Variants in AGAP1 observed in about 807,000 individuals in gnomAD.
AGAP1 encodes the protein ArfGAP with GTPase domain, ankyrin repeat and PH domain 1, also known as arf-GAP with GTPase, ANK repeat and PH domain-containing protein 1.
AGAP1 carries 29 observed loss-of-function variants against 105.3 expected under a neutral mutation model. The observed-to-expected ratio is 0.28, with a 90% CI of 0.21 to 0.38. The LOEUF is 0.38. Among genes scored for constraint, AGAP1 ranks in the 10% least tolerant of loss-of-function variants. AGAP1 has a pLI of 1.00. For missense variants in AGAP1, 998 were observed against 1,165.1 expected (o/e 0.86, Z 2.09); for synonymous variants, 509 against 485.9 (o/e 1.05, Z -0.63).
chr2:235,916,936 C>A (rs2125084290), intron 11 of AGAP1, among the ~76,000 whole-genome samples: 1 of 152,292 alleles, frequency 6.6e-6, no homozygotes, highest in South Asian at 2.1e-4. Context: ...AAGAAATGCT[C>A]TTCTGGACTT....
chr2:235,996,795 A>G (rs1242884850), intron 13 of AGAP1, among the ~76,000 whole-genome samples: 2 of 152,240 alleles, frequency 1.3e-5, no homozygotes, highest in African/African-American at 4.8e-5. Flanking sequence ...AAGTCGTTTT[A>G]GAATGTTGCC....
In AGAP1 at chr2:235,652,496, G is replaced by A. The variant is rs1029637487; in HGVS notation, c.164-56683G>A. Among the ~76,000 whole-genome samples, 5 of 152,278 alleles carry A rather than the reference G, an allele frequency of 3.3e-5. No homozygotes were observed. The South Asian group carries it at 1.0e-3, about 32-fold the overall frequency. ...TAAGAGAGCAGCCTCTATCTGTCTG[G>A]GGGTGGAGAGCCCATGTGATTCAGG... is the stretch of plus-strand genomic sequence containing the variant. On this transcript the variant is annotated intron_variant, in intron 1 of 17. Coordinates refer to ENST00000304032, the MANE Select transcript of AGAP1 (RefSeq NM_001037131.3).
chr2:235,988,016 CT>C lies in AGAP1; in HGVS notation c.1645+19397del, dbSNP rs1252797626. The stretch of plus-strand genomic sequence containing the variant: ...TGCAGAATGTTGGTAGTTAAAACTC[CT>C]TTTGTTATTTTGTGTTTGTTCGTTT... On this transcript the variant is annotated intron_variant, in intron 13 of 17. Transcript: ENST00000304032. This position sits in a 1 kb window ranked among gnomAD's most constrained non-coding sequence, Gnocchi z 4.7. Among the ~76,000 whole-genome samples, 2 of 152,048 alleles carry C rather than the reference CT, an allele frequency of 1.3e-5. No individual in the cohort carries two copies. Among genetic ancestry groups the C allele is most frequent in the Non-Finnish European group, 2.9e-5 (2 of 68,000 alleles).
chr2:236,114,865 G>A lies in AGAP1; in HGVS notation c.2115-5327G>A, dbSNP rs1668369079. On this transcript the variant is annotated intron_variant, in intron 16 of 17. Coordinates refer to ENST00000304032, the MANE Select transcript of AGAP1 (RefSeq NM_001037131.3). This position sits in a 1 kb window ranked among gnomAD's most constrained non-coding sequence, Gnocchi z 5.0. ...AGCCCTTAAACATCTCAAGGCTATG[G>A]GCAGGAGCCAACCAGATGTTGCTCC... 6.6e-6 allele frequency among the ~76,000 whole-genome samples: 1 copy of A among 152,040 alleles called. No individual in the cohort carries two copies. The highest frequency in any genetic ancestry group is 1.5e-5 in the Non-Finnish European group (1 of 67,982).
intron 6 of AGAP1, chr2:235,783,416 C>T (rs1236418721): frequency 2.1e-6 from 1 of 470,624 alleles, no homozygotes; most frequent in Admixed American, 2.4e-5. Context: ...TCAGGTGTTG[C>T]TTTCTTTGTG....
intron 9 of AGAP1, among the ~76,000 whole-genome samples, chr2:235,878,348 T>C (rs1239243340): frequency 2.0e-5 from 3 of 152,194 alleles, no homozygotes; most frequent in African/African-American, 7.2e-5. Context: ...TCCTTCTCTT[T>C]GATAATCAGG....
At chr2:235,800,224 A>G (rs1957430454) in intron 8 of AGAP1, among the ~76,000 whole-genome samples, 1 of 150,580 alleles carries the variant, frequency 6.6e-6, no homozygotes, top group Admixed American at 6.6e-5. Flanking sequence ...TCAGCCTTCT[A>G]AGTAGCTGGG....
rs749659925 is a variant in AGAP1 at position 235,787,252 on chromosome 2, T to C, written c.674-10507T>C. 1.3e-5 allele frequency among the ~76,000 whole-genome samples: 2 copies of C among 152,208 alleles called. No homozygotes were observed. On this transcript the variant is annotated intron_variant, in intron 6 of 17. Transcript: ENST00000304032. This position sits in a 1 kb window ranked among gnomAD's most constrained non-coding sequence, Gnocchi z 4.4. Reference sequence around the variant, plus strand: ...GTGGGTTTCCTATGTCATGAAAGCTTTTCTTCATCACGTGCTAATGACTTC... The same window carrying C: ...GTGGGTTTCCTATGTCATGAAAGCTCTTCTTCATCACGTGCTAATGACTTC...
At chr2:235,518,544 T>A (rs1373296793) in intron 1 of AGAP1, among the ~76,000 whole-genome samples, 1 of 152,146 alleles carries the variant, frequency 6.6e-6, no homozygotes, top group Non-Finnish European at 1.5e-5. Flanking sequence ...AAGCTGCAGG[T>A]CACTGGGTGC....
intron 1 of AGAP1, among the ~76,000 whole-genome samples, chr2:235,536,223 A>ACACAC (rs57292117): frequency 7.9e-5 from 5 of 63,196 alleles, no homozygotes; most frequent in Non-Finnish European, 1.5e-4. Context: ...ACACACACAC[A>ACACAC]GCAGGACCCT....
In AGAP1 at chr2:236,002,465, G is replaced by A. The variant is rs974542136; in HGVS notation, c.1645+33842G>A. ...GGAGAGGCTGTGTGTTTTCATAAGC[G>A]AATCCTGATTTTCTGACAAAAGAGA... is the stretch of plus-strand genomic sequence containing the variant. On this transcript the variant is annotated intron_variant, in intron 13 of 17. Transcript: ENST00000304032. The surrounding 1 kb of genome is among the most constrained non-coding windows in gnomAD (Gnocchi z 4.3). 1.1e-4 allele frequency among the ~76,000 whole-genome samples: 17 copies of A among 152,278 alleles called. No individual in the cohort carries two copies. In the East Asian group the frequency reaches 1.7e-3, roughly 16 times the overall value.
chr2:235,706,035 T>C (rs1017758275), intron 1 of AGAP1, among the ~76,000 whole-genome samples: 16 of 152,208 alleles, frequency 1.1e-4, no homozygotes, highest in East Asian at 1.9e-4. Context: ...TAATTTCTTA[T>C]GTGCCAAATG....
intron 1 of AGAP1, among the ~76,000 whole-genome samples, chr2:235,707,549 G>A (rs1416929872): frequency 7.3e-6 from 1 of 136,792 alleles, no homozygotes; most frequent in African/African-American, 2.7e-5. Context: ...TGCTCCCCCG[G>A]CGTGTGACCT....
At chr2:235,826,968 G>T (rs779730627) in intron 9 of AGAP1, among the ~76,000 whole-genome samples, 27 of 152,110 alleles carry the variant, frequency 1.8e-4, no homozygotes, top group Non-Finnish European at 3.1e-4. Flanking sequence ...GCACTTTTCA[G>T]ATACGGTGGC....
At chr2:235,504,969 C>G (rs1462104787) in intron 1 of AGAP1, among the ~76,000 whole-genome samples, 1 of 152,136 alleles carries the variant, frequency 6.6e-6, no homozygotes, top group Non-Finnish European at 1.5e-5. Context: ...GGGCGCAGTT[C>G]CTCTGGGACT....
At position 235,960,635 on chromosome 2, in the gene AGAP1, G is replaced by GA. The variant is rs1410271989; in HGVS notation, c.1484-7822dup. Among the ~76,000 whole-genome samples the GA allele has an allele frequency of 6.6e-6, 1 of 152,156 alleles. No individual in the cohort carries two copies. Among genetic ancestry groups the GA allele is most frequent in the Admixed American group, 6.5e-5 (1 of 15,278 alleles). ...TCTTTGTTCAGGTAGCAGGGCCCAAGAAAAATCGTCTTTTATGGAAGGCAT... is the reference window on the plus strand; with the variant it reads ...TCTTTGTTCAGGTAGCAGGGCCCAAGAAAAAATCGTCTTTTATGGAAGGCAT... On this transcript the variant is annotated intron_variant, in intron 12 of 17. Coordinates refer to ENST00000304032, the MANE Select transcript of AGAP1 (RefSeq NM_001037131.3). This position sits in a 1 kb window ranked among gnomAD's most constrained non-coding sequence, Gnocchi z 4.9.
rs1389046526 is a variant in AGAP1, at chr2:235,901,309, G to A, written c.1156-7429G>A. Among the ~76,000 whole-genome samples, 1 of 151,836 alleles carries A rather than the reference G, an allele frequency of 6.6e-6. No homozygotes were observed. Among genetic ancestry groups the A allele is most frequent in the Non-Finnish European group, 1.5e-5 (1 of 67,974 alleles). On this transcript the variant is annotated intron_variant, in intron 10 of 17. Transcript: ENST00000304032. This position sits in a 1 kb window ranked among gnomAD's most constrained non-coding sequence, Gnocchi z 4.3. ...TTTTTTTTTTGAGCCCAGAAGTGAG[G>A]CTTTTTAAAAATAGAACTTCACAAA...
chr2:235,552,182 C>T lies in AGAP1; in HGVS notation c.163+57333C>T, dbSNP rs1943836361. ...GCTTGGTGTTCATTGCCCCGTAACT[C>T]TGGCCGCGGTAGTCTGGACAGGGCT... On this transcript the variant is annotated intron_variant, in intron 1 of 17. Coordinates refer to ENST00000304032, the MANE Select transcript of AGAP1 (RefSeq NM_001037131.3). This position sits in a 1 kb window ranked among gnomAD's most constrained non-coding sequence, Gnocchi z 5.9. 6.6e-6 allele frequency among the ~76,000 whole-genome samples: 1 copy of T among 152,160 alleles called. No homozygotes were observed. The highest frequency in any genetic ancestry group is 1.5e-5 in the Non-Finnish European group (1 of 68,036).
At position 235,887,882 on chromosome 2, in the gene AGAP1, C is replaced by T. The variant is rs2124876953; in HGVS notation, c.1155+4433C>T. On this transcript the variant is annotated intron_variant, in intron 10 of 17. Transcript: ENST00000304032. This position sits in a 1 kb window ranked among gnomAD's most constrained non-coding sequence, Gnocchi z 4.1. ...ATTATGGGGTGCTGACTTGAGAGCG[C>T]CAGGCTTGCAGTTGTATTAAACGTG... 6.6e-6 allele frequency among the ~76,000 whole-genome samples: 1 copy of T among 152,264 alleles called. No individual in the cohort carries two copies. Among genetic ancestry groups the T allele is most frequent in the East Asian group, 1.9e-4 (1 of 5,168 alleles).
Sources: gnomAD v4.1 joint callset for allele counts (sites outside exome capture counted in the v4.1 genomes callset) on GRCh38, gnomAD v4.1.1 for gene constraint, Gnocchi (gnomAD v3.1) non-coding constraint, MANE v1.5 for transcripts, NCBI Gene and HGNC (gene_info 2026-07-23, HGNC 2026-07-21) for gene names.